FRMD3: variants seen among roughly 807,000 people sequenced by gnomAD.
The protein encoded by FRMD3 is FERM domain containing 3, also known as FERM domain-containing protein 3.
Under a neutral mutation model 70.2 loss-of-function variants are expected in FRMD3, and 33 were observed. The ratio of observed to expected loss-of-function variants is 0.47; its 90% CI spans 0.36 to 0.63. The LOEUF (loss-of-function observed/expected upper bound fraction) is 0.63. Ranked by LOEUF, FRMD3 falls within the 20% of genes least tolerant of loss-of-function variation. The pLI is 0.00. For missense variants in FRMD3, 632 were observed against 711.4 expected (o/e 0.89, Z 1.27); for synonymous variants, 279 against 255.9 (o/e 1.09, Z -0.86).
chr9:83,490,739 T>TA (rs905257590), intron 1 of FRMD3, among the ~76,000 whole-genome samples: 9 of 151,564 alleles, frequency 5.9e-5, no homozygotes, highest in Non-Finnish European at 1.3e-4. Flanking sequence ...AAATAGCTTA[T>TA]AAAAAATCCA....
chr9:83,470,637 G>A (rs1828246666), intron 1 of FRMD3, among the ~76,000 whole-genome samples: 1 of 152,202 alleles, frequency 6.6e-6, no homozygotes, highest in African/African-American at 2.4e-5. Context: ...CTAACCCTGA[G>A]GCTGACCTTT....
At chr9:83,377,200 T>C (rs1825177107) in intron 2 of FRMD3, among the ~76,000 whole-genome samples, 1 of 152,176 alleles carries the variant, frequency 6.6e-6, no homozygotes, top group African/African-American at 2.4e-5. Context: ...TAATATGTTT[T>C]CTTTCAAAAT....
intron 2 of FRMD3, among the ~76,000 whole-genome samples, chr9:83,375,492 G>A (rs1825114323): frequency 6.6e-6 from 1 of 152,238 alleles, no homozygotes. Flanking sequence ...GGAGAGTCAT[G>A]AGGTATGCAG....
chr9:83,284,320 C>A (rs1834103618), intron 13 of FRMD3, among the ~76,000 whole-genome samples: 1 of 151,946 alleles, frequency 6.6e-6, no homozygotes, highest in Non-Finnish European at 1.5e-5. Context: ...TTCAAAAACA[C>A]CACTGCAGCC....
At chr9:83,269,534 C>T (rs527328498) in intron 13 of FRMD3, among the ~76,000 whole-genome samples, 170 of 152,142 alleles carry the variant, frequency 1.1e-3, no homozygotes, top group Middle Eastern at 3.4e-3. Context: ...TGGTGAAACC[C>T]CATCTCTATT....
chr9:83,511,786 G>A lies in FRMD3; in HGVS notation c.147+26299C>T, dbSNP rs146811902. On this transcript the variant is annotated intron_variant, in intron 1 of 13. Coordinates refer to ENST00000304195, the MANE Select transcript of FRMD3 (RefSeq NM_174938.6). ...AATACCAGGGACGCATGTCAGGGATGAACCCACTCCCAGGACCACGTTGAC... is the reference window on the plus strand; with the variant it reads ...AATACCAGGGACGCATGTCAGGGATAAACCCACTCCCAGGACCACGTTGAC... Among the ~76,000 whole-genome samples the A allele has an allele frequency of 1.8e-3, 273 of 152,314 alleles. 2 individuals are homozygous for A. Among genetic ancestry groups the A allele is most frequent in the African/African-American group, 6.2e-3 (259 of 41,572 alleles).
intron 10 of FRMD3, among the ~76,000 whole-genome samples, chr9:83,307,603 A>G (rs1328620278): frequency 2.0e-5 from 3 of 152,224 alleles, no homozygotes; most frequent in Admixed American, 6.5e-5. Flanking sequence ...TAATAGGTAA[A>G]TCCATAAAAA....
intron 3 of FRMD3, among the ~76,000 whole-genome samples, chr9:83,353,281 G>T (rs147462824): frequency 7.2e-6 from 1 of 138,454 alleles, no homozygotes; most frequent in Admixed American, 7.3e-5. Flanking sequence ...CTGCAGTGGG[G>T]TGGGGGAGGG....
At chr9:83,353,298 C>T (rs542735969) in intron 3 of FRMD3, among the ~76,000 whole-genome samples, 2 of 151,124 alleles carry the variant, frequency 1.3e-5, no homozygotes, top group Admixed American at 1.3e-4. Flanking sequence ...AGGGGGGGCA[C>T]TTTTTCTTTA....
intron 2 of FRMD3, among the ~76,000 whole-genome samples, chr9:83,383,561 A>G (rs1464642352): frequency 1.3e-5 from 2 of 152,220 alleles, no homozygotes; most frequent in African/African-American, 4.8e-5. Context: ...GCTGGTCTCT[A>G]GTCAGCCCTG....
chr9:83,566,665 A>G, the FRMD3 span, among the ~76,000 whole-genome samples: 3 of 152,200 alleles, frequency 2.0e-5, no homozygotes, highest in Non-Finnish European at 4.4e-5. Flanking sequence ...TGGCCAAAAC[A>G]AAAGGGCTAC....
At chr9:83,390,042 G>A (rs375573929) in intron 1 of FRMD3, among the ~76,000 whole-genome samples, 1 of 152,180 alleles carries the variant, frequency 6.6e-6, no homozygotes, top group Admixed American at 6.5e-5. Context: ...ACTTGTGGAG[G>A]TCCACAATTT....
intron 6 of FRMD3, among the ~76,000 whole-genome samples, chr9:83,332,182 C>T (rs1447974901): frequency 4.6e-5 from 7 of 152,316 alleles, no homozygotes; most frequent in African/African-American, 1.7e-4. Context: ...TGATCGATAA[C>T]TATAACATGC....
chr9:83,422,992 C>A (rs1826688587), intron 1 of FRMD3, among the ~76,000 whole-genome samples: 1 of 152,152 alleles, frequency 6.6e-6, no homozygotes, highest in African/African-American at 2.4e-5. Context: ...TTTCTCAAGG[C>A]CTCTTCAGGG....
intron 3 of FRMD3, chr9:83,350,904 T>C: frequency 2.0e-6 from 1 of 493,914 alleles, no homozygotes; most frequent in Non-Finnish European, 2.6e-6. Context: ...TGTAGTGAGA[T>C]GCATTCAGAT....
At chr9:83,349,871 G>A in intron 3 of FRMD3, 114 bp from the exon 4 acceptor site, 1 of 677,342 alleles carries the variant, frequency 1.5e-6, no homozygotes, top group African/African-American at 1.8e-5. Context: ...GTGGGGGCCA[G>A]GAGGGGGTGA....
At chr9:83,485,715 T>C (rs11140114) in intron 1 of FRMD3, among the ~76,000 whole-genome samples, 1,680 of 152,248 alleles carry the variant, frequency 0.011, 36 homozygotes, top group African/African-American at 0.039. Flanking sequence ...AACAGGTTAG[T>C]ATGAAGCAGT....
the FRMD3 span, among the ~76,000 whole-genome samples, chr9:83,578,961 T>C: frequency 5.5e-4 from 83 of 152,162 alleles, no homozygotes; most frequent in African/African-American, 1.9e-3. Context: ...GATAAACAGA[T>C]TTAGTAAAGT....
the FRMD3 span, among the ~76,000 whole-genome samples, chr9:83,574,102 A>G: frequency 2.0e-5 from 3 of 152,142 alleles, no homozygotes; most frequent in Non-Finnish European, 4.4e-5. Flanking sequence ...ATGTAACACA[A>G]CCATCTTCTC....
Sources: allele counts gnomAD v4.1 joint callset (sites outside exome capture counted in the v4.1 genomes callset), GRCh38; gene constraint gnomAD v4.1.1; transcripts MANE v1.5; gene names NCBI Gene and HGNC (gene_info 2026-07-23, HGNC 2026-07-21).